VRK2: variants seen among roughly 807,000 people sequenced by gnomAD.
The protein encoded by VRK2 is serine/threonine-protein kinase VRK2.
VRK2 carries 60 observed loss-of-function variants against 57.6 expected under a neutral mutation model. That is an observed-to-expected ratio of 1.04 (90% confidence interval 0.85 to 1.29). The LOEUF is 1.29. VRK2 is among the 50% of genes most tolerant of loss of function. VRK2 has a pLI of 0.00. For synonymous variants in VRK2, 231 were observed against 199.2 expected (o/e 1.16, Z -1.35); for missense variants, 705 against 588.1 (o/e 1.20, Z -2.06).
At chr2:57,932,621 C>G (rs1326683223) in intron 1 of VRK2, among the ~76,000 whole-genome samples, 1 of 151,890 alleles carries the variant, frequency 6.6e-6, no homozygotes, top group African/African-American at 2.4e-5. Context: ...TGTTGTTTCT[C>G]TTTTTTAAAA....
At position 58,159,251 on chromosome 2, in the gene VRK2, G is replaced by A. The variant is rs971755352; in HGVS notation, c.1183-98G>A. On this transcript the variant is annotated intron_variant, in intron 12 of 12. Transcript: ENST00000340157. Reference sequence around the variant, plus strand: ...AAATAACACGCAAAAACTTGATCTTGTATAACATTTTATTTAGCATTCTTA... The same window carrying A: ...AAATAACACGCAAAAACTTGATCTTATATAACATTTTATTTAGCATTCTTA... 1.4e-5 allele frequency: 13 copies of A among 925,892 alleles called. No individual in the cohort carries two copies. The Admixed American group carries it at 1.8e-4, about 13-fold the overall frequency. 57.4% of individuals were successfully genotyped at this position (925,892 alleles called of 1,614,324 possible).
chr2:57,921,796 T>C (rs1323652313), intron 1 of VRK2, among the ~76,000 whole-genome samples: 1 of 152,132 alleles, frequency 6.6e-6, no homozygotes, highest in Non-Finnish European at 1.5e-5. Flanking sequence ...TGTTTTATAA[T>C]AGCCCCTCCT....
intron 1 of VRK2, among the ~76,000 whole-genome samples, chr2:57,935,290 G>C (rs761697876): frequency 2.0e-5 from 3 of 152,056 alleles, no homozygotes; most frequent in Non-Finnish European, 2.9e-5. Flanking sequence ...TTTTCTGTTT[G>C]TGCCATTCTA....
At chr2:58,104,302 T>C (rs546048811) in intron 7 of VRK2, among the ~76,000 whole-genome samples, 1 of 151,860 alleles carries the variant, frequency 6.6e-6, no homozygotes, top group East Asian at 1.9e-4. Flanking sequence ...TGATCTTATA[T>C]TTAGAAAACC....
At chr2:57,974,723 G>A (rs901542085) in intron 1 of VRK2, among the ~76,000 whole-genome samples, 2 of 151,740 alleles carry the variant, frequency 1.3e-5, no homozygotes, top group African/African-American at 4.8e-5. Flanking sequence ...ACAGCCAACT[G>A]TAAAACTAGA....
intron 1 of VRK2, among the ~76,000 whole-genome samples, chr2:58,048,101 ATTATAATTAGT>A (rs1175780364): frequency 6.6e-6 from 1 of 152,212 alleles, no homozygotes; most frequent in Non-Finnish European, 1.5e-5. Flanking sequence ...CCTATGTACA[ATTATAATTAGT>A]TGATTAAAGT....
chr2:57,982,153 A>G (rs1409381680), intron 1 of VRK2, among the ~76,000 whole-genome samples: 1 of 152,192 alleles, frequency 6.6e-6, no homozygotes, highest in African/African-American at 2.4e-5. Flanking sequence ...TCAGGGGCCA[A>G]GATTCAGCTC....
intron 2 of VRK2, among the ~76,000 whole-genome samples, chr2:58,030,423 T>C (rs957469249): frequency 1.3e-5 from 2 of 152,094 alleles, no homozygotes; most frequent in Non-Finnish European, 2.9e-5. Flanking sequence ...CTGTATAGAC[T>C]TTAATTCCTT....
intron 1 of VRK2, among the ~76,000 whole-genome samples, chr2:57,946,131 T>C (rs1258448845): frequency 1.3e-5 from 2 of 152,122 alleles, no homozygotes; most frequent in African/African-American, 4.8e-5. Flanking sequence ...CTAACACATA[T>C]ATGTCTTAAA....
chr2:58,047,163 G>T (rs1166751971), intron 1 of VRK2: 2 of 303,990 alleles, frequency 6.6e-6, no homozygotes, highest in Non-Finnish European at 9.7e-6. Context: ...GGTGCAGAGA[G>T]AACTTGTGGC....
chr2:58,013,395 A>G (rs894129545), intron 1 of VRK2, among the ~76,000 whole-genome samples: 1 of 152,244 alleles, frequency 6.6e-6, no homozygotes, highest in African/African-American at 2.4e-5. Flanking sequence ...ATATGTTTAC[A>G]CATTCTGACT....
intron 7 of VRK2, among the ~76,000 whole-genome samples, chr2:58,111,080 A>G (rs1675500181): frequency 6.6e-6 from 1 of 152,230 alleles, no homozygotes; most frequent in Admixed American, 6.5e-5. Context: ...TTTCAATCAC[A>G]AAGTATCAAA....
chr2:57,971,028 G>A (rs1672080178), intron 1 of VRK2, among the ~76,000 whole-genome samples: 1 of 151,844 alleles, frequency 6.6e-6, no homozygotes, highest in Admixed American at 6.6e-5. Flanking sequence ...TCTATTCCAT[G>A]TATTTCTTAT....
chr2:57,911,044 T>C (rs1669970990), intron 1 of VRK2, among the ~76,000 whole-genome samples: 1 of 151,976 alleles, frequency 6.6e-6, no homozygotes, highest in Non-Finnish European at 1.5e-5. Context: ...GGGTCTTTTT[T>C]TTTTTTTTAA....
rs190888774 is a variant in VRK2, at chr2:58,086,454, T to A, written c.344+28T>A. On this transcript the variant is annotated intron_variant, in intron 5 of 12. Transcript: ENST00000340157. ...AAAATGGAATTATTATAATCAAATA[T>A]TTCTTTATAACTATTCCTTATGTGG... is the stretch of plus-strand genomic sequence containing the variant. The A allele has an allele frequency of 9.1e-6, 14 of 1,544,082 alleles. No individual in the cohort carries two copies. The East Asian group carries it at 3.0e-4, about 33-fold the overall frequency.
chr2:57,978,899 G>T (rs1672330685), intron 1 of VRK2, among the ~76,000 whole-genome samples: 2 of 150,690 alleles, frequency 1.3e-5, no homozygotes, highest in Admixed American at 6.6e-5. Context: ...TAGAACAGGA[G>T]GTGTTTGGTT....
chr2:57,934,832 C>T (rs1468641954), intron 1 of VRK2, among the ~76,000 whole-genome samples: 1 of 152,028 alleles, frequency 6.6e-6, no homozygotes, highest in Non-Finnish European at 1.5e-5. Flanking sequence ...ACTGATTCTA[C>T]CACTTGATTA....
intron 1 of VRK2, among the ~76,000 whole-genome samples, chr2:57,958,370 T>C (rs2103992051): frequency 6.6e-6 from 1 of 152,052 alleles, no homozygotes; most frequent in Non-Finnish European, 1.5e-5. Flanking sequence ...TCCCAGTTAA[T>C]TTGACAGCTA....
At chr2:57,958,271 C>A (rs930271703) in intron 1 of VRK2, among the ~76,000 whole-genome samples, 1 of 152,016 alleles carries the variant, frequency 6.6e-6, no homozygotes, top group Non-Finnish European at 1.5e-5. Flanking sequence ...TATAATGAAA[C>A]CTTTTTATCA....
Sources: allele counts gnomAD v4.1 joint callset (sites outside exome capture counted in the v4.1 genomes callset), GRCh38; gene constraint gnomAD v4.1.1; transcripts MANE v1.5; gene names NCBI Gene and HGNC (gene_info 2026-07-23, HGNC 2026-07-21).